CUX1: variants seen among roughly 807,000 people sequenced by gnomAD.
CUX1 encodes protein CASP.
Under a neutral mutation model 158.8 loss-of-function variants are expected in CUX1, and 31 were observed. That is an observed-to-expected ratio of 0.20 (90% CI 0.15 to 0.26). The LOEUF (loss-of-function observed/expected upper bound fraction) is 0.26. Ranked by LOEUF, CUX1 falls within the 10% of genes least tolerant of loss-of-function variation. The pLI, the probability that CUX1 is intolerant of heterozygous loss-of-function variation, is 1.00. For synonymous variants in CUX1, 879 were observed against 862.1 expected (o/e 1.02, Z -0.34); for missense variants, 1,589 against 2,014.6 (o/e 0.79, Z 4.04).
chr7:101,984,412 A>G (rs1813998946), intron 2 of CUX1, among the ~76,000 whole-genome samples: 1 of 150,820 alleles, frequency 6.6e-6, no homozygotes, highest in African/African-American at 2.4e-5. Flanking sequence ...ACCTCGATAT[A>G]CAGCCTAGTA....
intron 11 of CUX1, 106 bp from the exon 12 acceptor site, chr7:102,189,707 C>A: frequency 1.6e-6 from 2 of 1,225,386 alleles, no homozygotes; most frequent in Non-Finnish European, 2.4e-6. Flanking sequence ...CAAGGGCTGG[C>A]TTCCCCTCTC....
At chr7:102,068,396 C>G (rs1356834063) in intron 3 of CUX1, among the ~76,000 whole-genome samples, 1 of 152,084 alleles carries the variant, frequency 6.6e-6, no homozygotes, top group Non-Finnish European at 1.5e-5. Flanking sequence ...TGATTACAGG[C>G]GTGAGCCACC....
Position 102,248,978 on chromosome 7 carries a change from A to G in CUX1, c.4454A>G (p.Asn1485Ser). The stretch of plus-strand genomic sequence containing the variant: ...CGCAAGAAGAAGGCCGCGAACTTGA[A>G]CAGCATCATCCACCGCCTGGAGAAG... ...PLRKKKAANL[N>S]SIIHRLEKAA... Residue 1485 changes from asparagine (N) to serine (S), a missense_variant, in exon 24 of 24, where the codon AAC becomes AGC. Asn to Ser is a conservative substitution (Grantham distance 46). Around this residue, in one of 8 missense-constraint regions of CUX1, gnomAD observed 344 missense variants for 323.7 expected, o/e 1.06. Coordinates refer to ENST00000292535, the MANE Select transcript of CUX1 (RefSeq NM_181552.4). This position sits in a 1 kb window ranked among gnomAD's most constrained non-coding sequence, Gnocchi z 5.8. The G allele has an allele frequency of 6.8e-7, 1 of 1,461,184 alleles. No individual in the cohort carries two copies. Among genetic ancestry groups the G allele is most frequent in the South Asian group, 1.3e-5 (1 of 76,934 alleles). The allele number at this position is 1,461,184 out of a possible 1,614,324, so 90.5% of individuals were successfully genotyped here.
chr7:102,156,576 T>C (rs405789), intron 8 of CUX1, among the ~76,000 whole-genome samples: 58,817 of 151,980 alleles, frequency 0.39, 11,772 homozygotes, highest in Non-Finnish European at 0.42. Flanking sequence ...AGACCCCACC[T>C]CCCAATGCCC....
At chr7:101,885,056 A>G (rs571704277) in intron 1 of CUX1, among the ~76,000 whole-genome samples, 1 of 152,246 alleles carries the variant, frequency 6.6e-6, no homozygotes, top group South Asian at 2.1e-4. Flanking sequence ...TGTGATTTGC[A>G]TATAGCGGAA....
At position 102,249,816 on chromosome 7, in the gene CUX1, C is replaced by G; in HGVS notation, c.*774C>G. 1 of 985,632 alleles carries G rather than the reference C, an allele frequency of 1.0e-6. No homozygotes were observed. Among genetic ancestry groups the G allele is most frequent in the Non-Finnish European group, 1.2e-6 (1 of 829,780 alleles). The allele number at this position is 985,632 out of a possible 1,614,324, so 61.1% of individuals were successfully genotyped here. A position where few individuals can be genotyped will look rare whatever the true frequency, so the allele number is the denominator to read the frequency against. On this transcript the variant is annotated 3_prime_UTR_variant, in exon 24 of 24. Transcript: ENST00000292535. The stretch of plus-strand genomic sequence containing the variant: ...TAAATATTTTCAAGAAAAGAATCTT[C>G]TCGTTTGAAACTTTGAATTAAAATA...
rs1481191911 is a variant in CUX1 at position 102,070,950 on chromosome 7, TTCTA to T, written c.268+534_268+537del. ...ATCAGTTGTTTCTTTTATTTTTTTT[TTCTA>T]ATTTTATTTATTTATTTTTGAGACA... On this transcript the variant is annotated intron_variant, in intron 4 of 23. Coordinates refer to ENST00000292535, the MANE Select transcript of CUX1 (RefSeq NM_181552.4). Among the ~76,000 whole-genome samples the T allele has an allele frequency of 2.0e-5, 3 of 150,416 alleles. No individual in the cohort carries two copies. The East Asian group carries it at 5.9e-4, about 30-fold the overall frequency.
At chr7:102,214,249 C>T (rs1368106824) in intron 20 of CUX1, among the ~76,000 whole-genome samples, 1 of 152,104 alleles carries the variant, frequency 6.6e-6, no homozygotes, top group African/African-American at 2.4e-5. Context: ...GGTGGCCAGG[C>T]GTGGTGGCTG....
chr7:102,003,689 C>T (rs1023633250), intron 2 of CUX1, among the ~76,000 whole-genome samples: 2 of 152,282 alleles, frequency 1.3e-5, no homozygotes, highest in Middle Eastern at 3.4e-3. Context: ...TGTTTGCAGC[C>T]TCGTAGGTTG....
chr7:102,188,213 A>AG (rs1793836154), intron 11 of CUX1, among the ~76,000 whole-genome samples: 4 of 151,686 alleles, frequency 2.6e-5, no homozygotes, highest in African/African-American at 9.7e-5. Flanking sequence ...TTAAAAAAAA[A>AG]AAGAAGAAGA....
chr7:102,057,799 G>A (rs1824334062), intron 3 of CUX1, among the ~76,000 whole-genome samples: 1 of 152,184 alleles, frequency 6.6e-6, no homozygotes, highest in African/African-American at 2.4e-5. Flanking sequence ...TGACAACAAA[G>A]GATTTAGAAT....
chr7:101,921,274 C>CAG (rs1804891346), intron 2 of CUX1, among the ~76,000 whole-genome samples: 1 of 151,994 alleles, frequency 6.6e-6, no homozygotes, highest in Non-Finnish European at 1.5e-5. Flanking sequence ...TGTGTGTGTA[C>CAG]GTACCCATGT....
At position 102,251,828 on chromosome 7, in the gene CUX1, T is replaced by C; in HGVS notation, c.*2786T>C. 1 of 985,438 alleles carries C rather than the reference T, an allele frequency of 1.0e-6. No homozygotes were observed. 61.0% of individuals were successfully genotyped at this position (985,438 alleles called of 1,614,324 possible). A position where few individuals can be genotyped will look rare whatever the true frequency, so the allele number is the denominator to read the frequency against. On this transcript the variant is annotated 3_prime_UTR_variant, in exon 24 of 24. Coordinates refer to ENST00000292535, the MANE Select transcript of CUX1 (RefSeq NM_181552.4). ...GAAATAGTAGGCTAGGGTTTAGTTT[T>C]AAAGGCATGACTGTTATTTACAAAG...
chr7:101,892,763 G>A (rs939678245), intron 1 of CUX1, among the ~76,000 whole-genome samples: 2 of 152,020 alleles, frequency 1.3e-5, no homozygotes, highest in Non-Finnish European at 2.9e-5. Flanking sequence ...GGCCCTGCAA[G>A]AGAATGAGGG....
intron 20 of CUX1, among the ~76,000 whole-genome samples, chr7:102,219,374 C>T (rs782208864): frequency 3.3e-5 from 5 of 152,098 alleles, no homozygotes; most frequent in Non-Finnish European, 7.4e-5. Flanking sequence ...CAACCCTTCT[C>T]CACCTCCTCC....
intron 1 of CUX1, among the ~76,000 whole-genome samples, chr7:101,876,900 C>T (rs1799202584): frequency 6.9e-6 from 1 of 144,664 alleles, no homozygotes; most frequent in Non-Finnish European, 1.5e-5. Context: ...AGGCGTGAGC[C>T]ACCGCACCCG....
At chr7:102,207,700 C>T (rs988388185) in intron 20 of CUX1, among the ~76,000 whole-genome samples, 1 of 152,182 alleles carries the variant, frequency 6.6e-6, no homozygotes, top group African/African-American at 2.4e-5. Context: ...GATCCCCCCA[C>T]CTTGGCCTCC....
chr7:102,183,138 T>G (rs1793282135), intron 11 of CUX1, among the ~76,000 whole-genome samples: 1 of 152,050 alleles, frequency 6.6e-6, no homozygotes, highest in South Asian at 2.1e-4. Context: ...GTCTCTCTTT[T>G]CATCTTGCAT....
In CUX1 at chr7:102,253,386, C is replaced by T; in HGVS notation, c.*4344C>T. 1 of 985,460 alleles carries T rather than the reference C, an allele frequency of 1.0e-6. No homozygotes were observed. The highest frequency in any genetic ancestry group is 1.2e-6 in the Non-Finnish European group (1 of 829,956). 61.0% of individuals were successfully genotyped at this position (985,460 alleles called of 1,614,324 possible). A position where few individuals can be genotyped will look rare whatever the true frequency, so the allele number is the denominator to read the frequency against. ...CTCGGCTGACTACTTTAAGATTATG[C>T]CACAGCCAGGCCCTAAAAAGAGAGG... On this transcript the variant is annotated 3_prime_UTR_variant, in exon 24 of 24. Coordinates refer to ENST00000292535, the MANE Select transcript of CUX1 (RefSeq NM_181552.4).
Sources: gnomAD v4.1 joint callset for allele counts (sites outside exome capture counted in the v4.1 genomes callset) on GRCh38, gnomAD v4.1.1 for gene constraint, gnomAD v4.1.1 regional missense constraint, Gnocchi (gnomAD v3.1) non-coding constraint, MANE v1.5 for transcripts, NCBI Gene and HGNC (gene_info 2026-07-23, HGNC 2026-07-21) for gene names.